Variants in AIG1 observed in about 807,000 individuals in gnomAD.
The protein encoded by AIG1 is androgen-induced gene 1 protein.
Under a neutral mutation model 31.4 loss-of-function variants are expected in AIG1, and 23 were observed. That is an observed-to-expected ratio of 0.73 (90% CI 0.53 to 1.04). The LOEUF (loss-of-function observed/expected upper bound fraction) is 1.04. Among genes scored for constraint, AIG1 ranks in the 50% least tolerant of loss-of-function variants. The pLI is 0.00. For missense variants in AIG1, 274 were observed against 295.0 expected (o/e 0.93, Z 0.52); for synonymous variants, 100 against 110.5 (o/e 0.90, Z 0.60).
At chr6:143,228,386 A>G (rs1220782109) in intron 3 of AIG1, among the ~76,000 whole-genome samples, 1 of 152,216 alleles carries the variant, frequency 6.6e-6, no homozygotes, top group Non-Finnish European at 1.5e-5. Flanking sequence ...AAGTTGTACA[A>G]AATGTGGCTA....
At chr6:143,311,503 A>G (rs1429248963) in intron 4 of AIG1, among the ~76,000 whole-genome samples, 1 of 151,974 alleles carries the variant, frequency 6.6e-6, no homozygotes, top group Non-Finnish European at 1.5e-5. Flanking sequence ...AAGGATGGTC[A>G]ACATTCAAAT....
chr6:143,273,086 G>A (rs894008070), intron 3 of AIG1, among the ~76,000 whole-genome samples: 1 of 152,218 alleles, frequency 6.6e-6, no homozygotes, highest in Non-Finnish European at 1.5e-5. Flanking sequence ...CTGAGATCAT[G>A]CCATTGCACT....
At chr6:143,238,815 G>T (rs1488686799) in intron 3 of AIG1, among the ~76,000 whole-genome samples, 1 of 152,180 alleles carries the variant, frequency 6.6e-6, no homozygotes, top group Admixed American at 6.5e-5. Flanking sequence ...GTCCCTAAAA[G>T]GGAAAAGTAG....
upstream of AIG1, among the ~76,000 whole-genome samples, chr6:143,059,953 C>T (rs1776098612): frequency 6.6e-6 from 1 of 152,110 alleles, no homozygotes; most frequent in African/African-American, 2.4e-5. Flanking sequence ...CCATTAAGCC[C>T]TGGTAGTGTA....
chr6:143,060,873 C>G, upstream of AIG1: 1 of 1,260,504 alleles, frequency 7.9e-7, no homozygotes, highest in Non-Finnish European at 1.0e-6. Context: ...CGCCCGGCGC[C>G]TCCCTCACGC....
At chr6:143,115,072 G>A (rs1200608756) in intron 1 of AIG1, among the ~76,000 whole-genome samples, 1 of 152,172 alleles carries the variant, frequency 6.6e-6, no homozygotes, top group Non-Finnish European at 1.5e-5. Context: ...TCATGGATAT[G>A]TAACAACCCA....
At chr6:143,233,639 T>G in intron 3 of AIG1, among the ~76,000 whole-genome samples, 1 of 149,014 alleles carries the variant, frequency 6.7e-6, no homozygotes, top group Non-Finnish European at 1.5e-5. Flanking sequence ...AAAACAGAAG[T>G]GAGGTATAGA....
intron 3 of AIG1, among the ~76,000 whole-genome samples, chr6:143,275,429 A>G (rs1336375002): frequency 2.0e-5 from 3 of 152,092 alleles, no homozygotes; most frequent in Non-Finnish European, 4.4e-5. Flanking sequence ...AGATGTCTGA[A>G]CCTATAGAGG....
At chr6:143,220,034 C>A (rs1583543876) in intron 3 of AIG1, among the ~76,000 whole-genome samples, 1 of 152,162 alleles carries the variant, frequency 6.6e-6, no homozygotes, top group African/African-American at 2.4e-5. Context: ...TTCTCACCAC[C>A]AACCTCATCT....
At chr6:143,062,866 T>C (rs1776377107) in intron 1 of AIG1, among the ~76,000 whole-genome samples, 1 of 152,182 alleles carries the variant, frequency 6.6e-6, no homozygotes, top group Admixed American at 6.5e-5. Context: ...CTAAGTCAGA[T>C]CTTACTTAGA....
intron 1 of AIG1, among the ~76,000 whole-genome samples, chr6:143,064,507 A>C (rs1016354226): frequency 6.6e-6 from 1 of 152,230 alleles, no homozygotes; most frequent in East Asian, 1.9e-4. Flanking sequence ...TGACCTCCAG[A>C]ATTGTAAAAT....
intron 1 of AIG1, among the ~76,000 whole-genome samples, chr6:143,092,262 G>T (rs1174573139): frequency 6.6e-6 from 1 of 150,634 alleles, no homozygotes; most frequent in Non-Finnish European, 1.5e-5. Context: ...GCATCACCAT[G>T]CTGGGCTAAT....
chr6:143,216,936 G>T (rs776960049), intron 3 of AIG1, among the ~76,000 whole-genome samples: 1 of 152,140 alleles, frequency 6.6e-6, no homozygotes, highest in Non-Finnish European at 1.5e-5. Context: ...TTTACACATG[G>T]CTGTAATATT....
chr6:143,117,610 A>C (rs1301909221), intron 1 of AIG1, among the ~76,000 whole-genome samples: 28 of 152,110 alleles, frequency 1.8e-4, no homozygotes, highest in Admixed American at 1.6e-3. Flanking sequence ...CTGACTTTCA[A>C]ATGCAGAAGT....
intron 4 of AIG1, among the ~76,000 whole-genome samples, chr6:143,319,627 A>T (rs1334957237): frequency 6.6e-6 from 1 of 152,180 alleles, no homozygotes; most frequent in Admixed American, 6.5e-5. Flanking sequence ...ATTGAAATGA[A>T]ACATAATAAT....
intron 4 of AIG1, among the ~76,000 whole-genome samples, chr6:143,320,503 G>T (rs1253332889): frequency 6.6e-6 from 1 of 152,206 alleles, no homozygotes; most frequent in East Asian, 1.9e-4. Flanking sequence ...TATAGACATA[G>T]AATGGAATGT....
intron 4 of AIG1, among the ~76,000 whole-genome samples, chr6:143,285,845 G>C (rs915227779): frequency 6.6e-6 from 1 of 152,106 alleles, no homozygotes; most frequent in African/African-American, 2.4e-5. Flanking sequence ...GACTAAAGTT[G>C]TGTCTTAAAA....
chr6:143,101,201 A>AAATGAGGT (rs1371050969), intron 1 of AIG1, among the ~76,000 whole-genome samples: 1 of 152,130 alleles, frequency 6.6e-6, no homozygotes, highest in African/African-American at 2.4e-5. Flanking sequence ...TAAGGAGAGA[A>AAATGAGGT]AATGAGGTAA....
chr6:143,167,177 G>T (rs1307675877), intron 3 of AIG1, among the ~76,000 whole-genome samples: 1 of 152,192 alleles, frequency 6.6e-6, no homozygotes, highest in Non-Finnish European at 1.5e-5. Flanking sequence ...GATAGGCTTT[G>T]TAAATCATCA....
Sources: gnomAD v4.1 joint callset for allele counts (sites outside exome capture counted in the v4.1 genomes callset) on GRCh38, gnomAD v4.1.1 for gene constraint, MANE v1.5 for transcripts, NCBI Gene and HGNC (gene_info 2026-07-23, HGNC 2026-07-21) for gene names.